The following NBEA variants were observed in gnomAD, a reference collection of about 807,000 sequenced individuals.
NBEA encodes lysosomal-trafficking regulator 2.
Under a neutral mutation model 343.4 loss-of-function variants are expected in NBEA, and 44 were observed. The observed-to-expected ratio is 0.13, with a 90% CI of 0.10 to 0.16. NBEA has a LOEUF of 0.16. NBEA is among the 10% of genes least tolerant of loss of function. The pLI, the probability that NBEA is intolerant of heterozygous loss-of-function variation, is 1.00. For synonymous variants in NBEA, 1,175 were observed against 1,238.7 expected, an observed-to-expected ratio of 0.95 and a Z score of 1.08; for missense variants, 2,555 against 3,631.3, an observed-to-expected ratio of 0.70 and a Z score of 7.62.
intron 41 of NBEA, among the ~76,000 whole-genome samples, chr13:35,546,332 G>A (rs977749885): frequency 1.3e-5 from 2 of 152,044 alleles, no homozygotes; most frequent in African/African-American, 2.4e-5. Context: ...GGTTTTGGTG[G>A]CACACGCCTG....
chr13:35,028,090 A>C (rs1250893971), intron 1 of NBEA, among the ~76,000 whole-genome samples: 1 of 152,030 alleles, frequency 6.6e-6, no homozygotes, highest in East Asian at 1.9e-4. Context: ...GCAAGTCTTA[A>C]AATTAGAGAG....
chr13:35,097,570 C>G (rs949727572), intron 10 of NBEA, among the ~76,000 whole-genome samples: 4 of 151,920 alleles, frequency 2.6e-5, no homozygotes, highest in African/African-American at 9.7e-5. Flanking sequence ...TGAAGTAATG[C>G]ATTATCAAAG....
At chr13:35,203,813 T>C (rs2073187052) in intron 31 of NBEA, among the ~76,000 whole-genome samples, 1 of 152,202 alleles carries the variant, frequency 6.6e-6, no homozygotes. Context: ...TATACCACTT[T>C]GATGATAACT....
Position 35,612,138 on chromosome 13 carries a change from TTC to T in NBEA, c.7449+5562_7449+5563del, listed in dbSNP as rs1159242612. 1.2e-4 allele frequency among the ~76,000 whole-genome samples: 19 copies of T among 152,156 alleles called. No individual in the cohort carries two copies. The East Asian group carries it at 3.5e-3, about 28-fold the overall frequency. ...TAATATCTCATTACAATATTTTTTT[TTC>T]TTTTTTTTTTGAGACAGAGTCTCGC... On this transcript the variant is annotated intron_variant, in intron 48 of 58. Coordinates refer to ENST00000379939, the MANE Select transcript of NBEA (RefSeq NM_001385012.1).
At position 35,432,386 on chromosome 13, in the gene NBEA, A is replaced by G. The variant is rs774689508; in HGVS notation, c.6297A>G (p.Ile2099Met). ...CTGAAGCATTGCTGAAAGCTGCAATAGAATATGGTTAGTACCAATGCTTCT... is the reference window on the plus strand; with the variant it reads ...CTGAAGCATTGCTGAAAGCTGCAATGGAATATGGTTAGTACCAATGCTTCT... Reference protein sequence around the residue: ...THAEALLKAAIEYGTEEDVVK... With the variant: ...THAEALLKAAMEYGTEEDVVK... The change falls in exon 39 of 59, where the codon ATA becomes ATG. Residue 2099 changes from isoleucine (I) to methionine (M), a missense_variant. Physicochemically the swap from Ile to Met is conservative, Grantham distance 10. Transcript: ENST00000379939. 3 of 1,605,690 alleles carry G rather than the reference A, an allele frequency of 1.9e-6. No individual in the cohort carries two copies. The highest frequency in any genetic ancestry group is 4.5e-5 in the East Asian group (2 of 44,466).
intron 47 of NBEA, among the ~76,000 whole-genome samples, chr13:35,604,936 ATTGT>A (rs2082223533): frequency 1.3e-5 from 2 of 152,058 alleles, no homozygotes; most frequent in Admixed American, 1.3e-4. Context: ...CTCAGCTGCT[ATTGT>A]GTATTATAAC....
At chr13:35,632,621 C>A (rs1027442236) in intron 49 of NBEA, among the ~76,000 whole-genome samples, 1 of 150,654 alleles carries the variant, frequency 6.6e-6, no homozygotes, top group African/African-American at 2.4e-5. Context: ...TTTTTTCTTT[C>A]TTTCAGAGAC....
At chr13:35,562,345 C>G (rs1437965149) in intron 44 of NBEA, among the ~76,000 whole-genome samples, 3 of 152,006 alleles carry the variant, frequency 2.0e-5, no homozygotes, top group African/African-American at 4.8e-5. Flanking sequence ...AAAATACAAC[C>G]TATGCCTTAT....
intron 40 of NBEA, among the ~76,000 whole-genome samples, chr13:35,458,394 A>G (rs1283526001): frequency 2.0e-5 from 3 of 152,240 alleles, no homozygotes; most frequent in Non-Finnish European, 2.9e-5. Flanking sequence ...GCTTTGAACC[A>G]TGAAGAAATC....
At chr13:35,644,367 C>T (rs551183736) in intron 49 of NBEA, among the ~76,000 whole-genome samples, 32 of 152,252 alleles carry the variant, frequency 2.1e-4, no homozygotes, top group African/African-American at 7.5e-4. Context: ...AAGAGAACTG[C>T]ACAGAAGATT....
At chr13:35,080,077 A>G (rs2064310427) in intron 10 of NBEA, among the ~76,000 whole-genome samples, 1 of 152,088 alleles carries the variant, frequency 6.6e-6, no homozygotes, top group African/African-American at 2.4e-5. Flanking sequence ...TAGTTTTTAG[A>G]ACAACACAAT....
At chr13:35,589,322 AG>A (rs1216458039) in intron 46 of NBEA, among the ~76,000 whole-genome samples, 1 of 152,126 alleles carries the variant, frequency 6.6e-6, no homozygotes, top group Non-Finnish European at 1.5e-5. Context: ...CAGATATAAA[AG>A]GGGAATAATT....
chr13:35,028,706 A>G (rs933398383), intron 1 of NBEA, among the ~76,000 whole-genome samples: 52 of 151,764 alleles, frequency 3.4e-4, no homozygotes, highest in African/African-American at 1.2e-3. Context: ...ACAACTGTCA[A>G]CACTGTCTGC....
chr13:35,061,121 T>C (rs1399380195), intron 8 of NBEA, among the ~76,000 whole-genome samples: 2 of 151,662 alleles, frequency 1.3e-5, no homozygotes, highest in Non-Finnish European at 3.0e-5. Flanking sequence ...GTCATCAAAC[T>C]GTATATTCAA....
At chr13:35,421,619 G>T (rs1377331121) in intron 38 of NBEA, among the ~76,000 whole-genome samples, 1 of 152,062 alleles carries the variant, frequency 6.6e-6, no homozygotes, top group Non-Finnish European at 1.5e-5. Flanking sequence ...TGCTTATTGT[G>T]TTCTTTCTTC....
At chr13:35,136,635 G>C (rs2067745188) in intron 17 of NBEA, among the ~76,000 whole-genome samples, 1 of 152,190 alleles carries the variant, frequency 6.6e-6, no homozygotes, top group Non-Finnish European at 1.5e-5. Context: ...ACTTTCAAAT[G>C]GTTAAACATT....
intron 38 of NBEA, among the ~76,000 whole-genome samples, chr13:35,425,316 G>T (rs1476949242): frequency 6.6e-6 from 1 of 152,042 alleles, no homozygotes; most frequent in African/African-American, 2.4e-5. Context: ...ACACTGCTTT[G>T]AATGTGTCCC....
intron 34 of NBEA, among the ~76,000 whole-genome samples, chr13:35,281,902 A>C (rs1282434505): frequency 6.6e-6 from 1 of 151,926 alleles, no homozygotes; most frequent in African/African-American, 2.4e-5. Flanking sequence ...TTTATAGAAT[A>C]TAAATTATGT....
chr13:35,304,995 C>G (rs1275507841), intron 35 of NBEA, among the ~76,000 whole-genome samples: 1 of 152,140 alleles, frequency 6.6e-6, no homozygotes, highest in East Asian at 1.9e-4. Context: ...AATGCGGCCA[C>G]TACCACCTAC....
Sources: allele counts gnomAD v4.1 joint callset (sites outside exome capture counted in the v4.1 genomes callset), GRCh38; gene constraint gnomAD v4.1.1; transcripts MANE v1.5; gene names NCBI Gene and HGNC (gene_info 2026-07-23, HGNC 2026-07-21).